Variants in MICAL2 observed in about 807,000 individuals in gnomAD.
MICAL2 encodes microtubule associated monooxygenase, calponin and LIM domain containing 2.
MICAL2 carries 77 observed loss-of-function variants against 127.3 expected under a neutral mutation model. That is an observed-to-expected ratio of 0.60 (90% CI 0.50 to 0.73). The LOEUF is 0.73. Ranked by LOEUF, MICAL2 falls within the 30% of genes least tolerant of loss-of-function variation. The pLI, the probability that MICAL2 is intolerant of heterozygous loss-of-function variation, is 0.00. For missense variants in MICAL2, 1,351 were observed against 1,434.4 expected (o/e 0.94, Z 0.94); for synonymous variants, 570 against 551.1 (o/e 1.03, Z -0.48).
chr11:12,151,116 G>T (rs1039245130), intron 2 of MICAL2, among the ~76,000 whole-genome samples: 2 of 152,132 alleles, frequency 1.3e-5, no homozygotes, highest in African/African-American at 4.8e-5. Context: ...AGAGCTGAGT[G>T]CCTGGGGGTG....
chr11:12,340,668 G>A (rs559681235), intron 32 of MICAL2, among the ~76,000 whole-genome samples: 4 of 152,190 alleles, frequency 2.6e-5, no homozygotes, highest in African/African-American at 9.6e-5. Flanking sequence ...ATAATTTGTG[G>A]TATAGTCATA....
chr11:12,213,361 G>A lies in MICAL2; in HGVS notation c.798G>A (p.Val266=), dbSNP rs201094790. Residue 266 remains valine (V), a synonymous_variant, in exon 7 of 28, where the codon GTG becomes GTA. Coordinates refer to ENST00000683283, the MANE Select transcript of MICAL2 (RefSeq NM_001282663.2). The part of the protein sequence containing the change: ...AEAKVEEISG[V]AFIFNQKFFQ... ...CCAAGGTGGAAGAGATTAGTGGTGT[G>A]GCTTTCATCTTCAATCAGAAATTTT... 127 of 1,613,892 alleles carry A rather than the reference G, an allele frequency of 7.9e-5. No homozygotes were observed. In the East Asian group the frequency reaches 2.8e-3, roughly 36 times the overall value.
rs375144069 is a variant in MICAL2, at chr11:12,208,622, C to T, written c.589+483C>T. Among the ~76,000 whole-genome samples, 6 of 152,346 alleles carry T rather than the reference C, an allele frequency of 3.9e-5. No homozygotes were observed. In the East Asian group the frequency reaches 9.6e-4, roughly 24 times the overall value. On this transcript the variant is annotated intron_variant, in intron 5 of 27. Transcript: ENST00000683283. ...AATACTCTTAACCATGTTGAGGTAT[C>T]ATTTATAAACTATGATATTTGCCCG...
intron 29 of MICAL2, among the ~76,000 whole-genome samples, chr11:12,306,150 G>A (rs895689639): frequency 1.1e-4 from 17 of 152,174 alleles, no homozygotes; most frequent in African/African-American, 3.9e-4. Context: ...GTTAGATGAA[G>A]ACGTAACATT....
chr11:12,166,404 G>T (rs11022214), intron 3 of MICAL2, among the ~76,000 whole-genome samples: 60,355 of 152,086 alleles, frequency 0.4, 14,639 homozygotes, highest in Middle Eastern at 0.6. Flanking sequence ...ATAAGATGTG[G>T]TTCTTACTTG....
At chr11:12,242,073 C>T (rs1860046213) in intron 18 of MICAL2, 141 bp from the exon 19 acceptor site, 1 of 657,638 alleles carries the variant, frequency 1.5e-6, no homozygotes, top group East Asian at 2.9e-5. Flanking sequence ...GGAGAGTCAA[C>T]ACCTGGGGCT....
chr11:12,146,853 A>G (rs1056040300), intron 2 of MICAL2, among the ~76,000 whole-genome samples: 60 of 152,340 alleles, frequency 3.9e-4, no homozygotes, highest in Non-Finnish European at 6.8e-4. Flanking sequence ...AAATGTGGCA[A>G]TATACACCGT....
At chr11:12,238,952 C>T (rs1859489141) in intron 16 of MICAL2, among the ~76,000 whole-genome samples, 1 of 151,190 alleles carries the variant, frequency 6.6e-6, no homozygotes, top group Admixed American at 6.5e-5. Flanking sequence ...AGAAAGATCT[C>T]CAGAGCCCAG....
chr11:12,324,411 C>T (rs1864333743), intron 31 of MICAL2, among the ~76,000 whole-genome samples: 2 of 152,224 alleles, frequency 1.3e-5, no homozygotes, highest in African/African-American at 4.8e-5. Context: ...TCTGTGAGGA[C>T]ACAAATCTTC....
At chr11:12,152,920 T>C (rs996254770) in intron 2 of MICAL2, among the ~76,000 whole-genome samples, 1 of 152,030 alleles carries the variant, frequency 6.6e-6, no homozygotes, top group African/African-American at 2.4e-5. Flanking sequence ...CTCCCACTTA[T>C]AGAAGGTGGT....
chr11:12,161,048 G>A (rs575103199), intron 2 of MICAL2, among the ~76,000 whole-genome samples: 53 of 152,216 alleles, frequency 3.5e-4, no homozygotes, highest in Non-Finnish European at 6.3e-4. Context: ...GGTGGAGCTC[G>A]GTCTGCTGTG....
At chr11:12,161,570 C>G (rs75919235) in intron 2 of MICAL2, 2 of 153,214 alleles carry the variant, frequency 1.3e-5, no homozygotes, top group Non-Finnish European at 2.9e-5. Context: ...TGGGTGTCTA[C>G]GGAGAGGTGG....
chr11:12,314,623 C>T (rs534897074), intron 29 of MICAL2, among the ~76,000 whole-genome samples: 182 of 149,916 alleles, frequency 1.2e-3, no homozygotes, highest in African/African-American at 4.2e-3. Context: ...GGACTACAGG[C>T]GCCCGCCACC....
chr11:12,148,611 G>A (rs1300096043), intron 2 of MICAL2, among the ~76,000 whole-genome samples: 7 of 152,164 alleles, frequency 4.6e-5, no homozygotes, highest in Admixed American at 6.5e-5. Context: ...AATTGTGTGC[G>A]ATACTCTTGA....
chr11:12,142,343 T>G (rs919550559), intron 2 of MICAL2, among the ~76,000 whole-genome samples: 11 of 152,240 alleles, frequency 7.2e-5, no homozygotes, highest in South Asian at 2.1e-4. Flanking sequence ...TTTTATGATG[T>G]GTCTTGGGGT....
Position 12,213,237 on chromosome 11 carries a change from T to G in MICAL2, c.692-18T>G, listed in dbSNP as rs773481314. The G allele has an allele frequency of 6.3e-7, 1 of 1,584,140 alleles. No homozygotes were observed. Among genetic ancestry groups the G allele is most frequent in the South Asian group, 1.1e-5 (1 of 87,224 alleles). On this transcript the variant is annotated intron_variant, in intron 6 of 27. Coordinates refer to ENST00000683283, the MANE Select transcript of MICAL2 (RefSeq NM_001282663.2). Reference sequence around the variant, plus strand: ...AAATCCAGAAGATAGACCCACTTTTTCATTTCTCCTCATGCAGGGTTCAGA... The same window carrying G: ...AAATCCAGAAGATAGACCCACTTTTGCATTTCTCCTCATGCAGGGTTCAGA...
chr11:12,250,300 G>T (rs1861370977), intron 22 of MICAL2: 1 of 152,222 alleles, frequency 6.6e-6, no homozygotes. Flanking sequence ...TATATGCATG[G>T]GGTACATGAG....
intron 23 of MICAL2, 180 bp from the exon 24 acceptor site, chr11:12,256,605 T>C (rs968460515): frequency 1.8e-6 from 1 of 563,330 alleles, no homozygotes; most frequent in East Asian, 3.1e-5. Flanking sequence ...CCCTGCAGGG[T>C]TGGGGTCTGG....
chr11:12,351,336 A>C (rs1458759383), intron 33 of MICAL2, among the ~76,000 whole-genome samples: 1 of 152,206 alleles, frequency 6.6e-6, no homozygotes, highest in Non-Finnish European at 1.5e-5. Flanking sequence ...CAGGGGCAAT[A>C]ACCTCAGAGG....
Sources: allele counts gnomAD v4.1 joint callset (sites outside exome capture counted in the v4.1 genomes callset), GRCh38; gene constraint gnomAD v4.1.1; transcripts MANE v1.5; gene names NCBI Gene and HGNC (gene_info 2026-07-23, HGNC 2026-07-21).